Variants in SCHIP1 observed in about 807,000 individuals in gnomAD.
SCHIP1 encodes the protein schwannomin-interacting protein 1.
SCHIP1 carries 8 observed loss-of-function variants against 29.7 expected under a neutral mutation model. The ratio of observed to expected loss-of-function variants is 0.27; its 90% confidence interval spans 0.16 to 0.49. The LOEUF is 0.49. Among genes scored for constraint, SCHIP1 ranks in the 20% least tolerant of loss-of-function variants. SCHIP1 has a pLI of 0.99. For missense variants in SCHIP1, 193 were observed against 294.6 expected (o/e 0.66, Z 2.52); for synonymous variants, 76 against 94.9 (o/e 0.80, Z 1.16).
the SCHIP1 span, among the ~76,000 whole-genome samples, chr3:159,305,605 A>G: frequency 6.6e-6 from 1 of 152,174 alleles, no homozygotes; most frequent in Non-Finnish European, 1.5e-5. Context: ...TCCTTCTTTC[A>G]ACATGGAGAT....
At chr3:159,610,054 TA>T in the SCHIP1 span, among the ~76,000 whole-genome samples, 2 of 152,188 alleles carry the variant, frequency 1.3e-5, no homozygotes, top group South Asian at 4.1e-4. Context: ...TCATAACTTG[TA>T]AAGATGATAT....
At chr3:159,296,900 A>G in the SCHIP1 span, among the ~76,000 whole-genome samples, 4 of 152,236 alleles carry the variant, frequency 2.6e-5, no homozygotes, top group Non-Finnish European at 4.4e-5. Flanking sequence ...AAATATTTAT[A>G]CTCTTTGACT....
chr3:159,364,772 T>A, the SCHIP1 span, among the ~76,000 whole-genome samples: 1 of 152,150 alleles, frequency 6.6e-6, no homozygotes, highest in Non-Finnish European at 1.5e-5. Context: ...AGTCCTCCAC[T>A]TGACTAATTC....
At chr3:159,705,684 G>A in the SCHIP1 span, among the ~76,000 whole-genome samples, 2 of 151,520 alleles carry the variant, frequency 1.3e-5, no homozygotes, top group African/African-American at 2.4e-5. Flanking sequence ...TGAGAATGCC[G>A]CTCTAAGGAT....
At chr3:159,561,902 G>T in the SCHIP1 span, among the ~76,000 whole-genome samples, 2 of 152,118 alleles carry the variant, frequency 1.3e-5, no homozygotes, top group Admixed American at 1.3e-4. Context: ...CTCCTGCAGT[G>T]GTTTTACCTT....
chr3:159,840,139 C>T (rs1744092364), exon 1 of SCHIP1: 6 of 1,534,108 alleles, frequency 3.9e-6, no homozygotes, highest in South Asian at 1.2e-5. Context: ...TCCGCAGCCT[C>T]GCTCAGCAGT....
the SCHIP1 span, among the ~76,000 whole-genome samples, chr3:159,428,686 C>T: frequency 6.6e-6 from 1 of 151,140 alleles, no homozygotes. Flanking sequence ...CCCAGCCATC[C>T]CATTACTGGG....
At chr3:159,473,261 T>C in the SCHIP1 span, among the ~76,000 whole-genome samples, 2 of 152,020 alleles carry the variant, frequency 1.3e-5, no homozygotes, top group African/African-American at 2.4e-5. Flanking sequence ...TAGGCTGCAA[T>C]TGGGGAAAAT....
the SCHIP1 span, among the ~76,000 whole-genome samples, chr3:159,636,089 C>T: frequency 6.6e-6 from 1 of 152,176 alleles, no homozygotes; most frequent in Non-Finnish European, 1.5e-5. Flanking sequence ...TGCTCTGCTG[C>T]CCAGGCTGGA....
At chr3:159,574,135 A>G in the SCHIP1 span, among the ~76,000 whole-genome samples, 2 of 152,172 alleles carry the variant, frequency 1.3e-5, no homozygotes, top group African/African-American at 4.8e-5. Context: ...GTCATTCTCC[A>G]TCCAGCTTTG....
the SCHIP1 span, among the ~76,000 whole-genome samples, chr3:159,662,254 G>A: frequency 6.6e-6 from 1 of 152,190 alleles, no homozygotes; most frequent in African/African-American, 2.4e-5. Context: ...GGGGCTACCT[G>A]TTTCTGCAAT....
the SCHIP1 span, among the ~76,000 whole-genome samples, chr3:159,807,339 G>A: frequency 8.5e-5 from 13 of 152,228 alleles, no homozygotes; most frequent in East Asian, 2.3e-3. Context: ...ATGAATAAAC[G>A]GGCAAGTAAT....
the SCHIP1 span, chr3:159,765,555 C>G: frequency 1.1e-5 from 2 of 182,318 alleles, no homozygotes; most frequent in East Asian, 1.8e-4. Context: ...GCTCTCCTCT[C>G]GTTGCCACTA....
At chr3:159,624,184 C>G in the SCHIP1 span, among the ~76,000 whole-genome samples, 3 of 152,142 alleles carry the variant, frequency 2.0e-5, no homozygotes, top group African/African-American at 4.8e-5. Context: ...CACATTTGAT[C>G]CTCACAGCAA....
At chr3:159,395,059 G>A in the SCHIP1 span, among the ~76,000 whole-genome samples, 23 of 152,190 alleles carry the variant, frequency 1.5e-4, no homozygotes, top group East Asian at 1.7e-3. Context: ...TGTATGTGTC[G>A]AGGAATTTAT....
At chr3:159,874,501 A>C (rs925141706) in intron 2 of SCHIP1, among the ~76,000 whole-genome samples, 14 of 152,210 alleles carry the variant, frequency 9.2e-5, no homozygotes, top group African/African-American at 3.4e-4. Context: ...GAGGGCAAGG[A>C]GTGGGGGGCA....
chr3:159,307,224 A>G, the SCHIP1 span, among the ~76,000 whole-genome samples: 1 of 152,230 alleles, frequency 6.6e-6, no homozygotes. Flanking sequence ...GATTGGGAAC[A>G]TGTTAATGGC....
the SCHIP1 span, among the ~76,000 whole-genome samples, chr3:159,624,891 C>G: frequency 1.3e-5 from 2 of 152,180 alleles, no homozygotes; most frequent in African/African-American, 4.8e-5. Flanking sequence ...AAACTTGTAG[C>G]TTCCCTTGTG....
chr3:159,658,940 C>T, the SCHIP1 span, among the ~76,000 whole-genome samples: 11 of 152,170 alleles, frequency 7.2e-5, no homozygotes, highest in Non-Finnish European at 1.6e-4. Context: ...ATCCAACAAA[C>T]GTTTACTCTG....
Sources: allele counts gnomAD v4.1 joint callset (sites outside exome capture counted in the v4.1 genomes callset), GRCh38; gene constraint gnomAD v4.1.1; transcripts MANE v1.5; gene names NCBI Gene and HGNC (gene_info 2026-07-23, HGNC 2026-07-21).